Variants in ACTL8 observed in about 807,000 individuals in gnomAD.
ACTL8 encodes the protein actin-like protein 8.
In ACTL8, 3 loss-of-function variants were observed where a neutral mutation model predicts 9.3. The ratio of observed to expected loss-of-function variants is 0.32; its 90% CI spans 0.15 to 0.83. The LOEUF is 0.83. Ranked by LOEUF, ACTL8 falls within the 40% of genes least tolerant of loss-of-function variation. The probability of loss-of-function intolerance (pLI) is 0.57; values close to 1 mark genes in which losing one functional copy is unlikely to be tolerated. For missense variants in ACTL8, 381 were observed against 492.2 expected (o/e 0.77, Z 2.14); for synonymous variants, 224 against 205.9 (o/e 1.09, Z -0.75).
chr1:17,809,729 A>C (rs919248228), intron 1 of ACTL8, among the ~76,000 whole-genome samples: 1 of 151,856 alleles, frequency 6.6e-6, no homozygotes, highest in Non-Finnish European at 1.5e-5. Flanking sequence ...CATCACTCCC[A>C]GATGGGACCA....
intron 1 of ACTL8, among the ~76,000 whole-genome samples, chr1:17,787,987 C>T (rs757733014): frequency 6.6e-6 from 1 of 152,152 alleles, no homozygotes; most frequent in Non-Finnish European, 1.5e-5. Context: ...ATTTTCATTT[C>T]CCTGACAAGC....
chr1:17,777,026 G>A (rs1165349196), intron 1 of ACTL8, among the ~76,000 whole-genome samples: 2 of 110,898 alleles, frequency 1.8e-5, no homozygotes, highest in African/African-American at 3.6e-5. Context: ...GTCTTGCCAT[G>A]TTGCCCAGGC....
Position 17,761,578 on chromosome 1 carries a change from GT to G in ACTL8, c.-25+6084del, listed in dbSNP as rs532574511. The stretch of plus-strand genomic sequence containing the variant: ...GGGTATGTGGGCCCAAACTTGTTCT[GT>G]TTTTTTTTTGGGACTGAGTCTCGCT... On this transcript the variant is annotated intron_variant, in intron 1 of 2. Transcript: ENST00000375406. 1.0e-4 allele frequency among the ~76,000 whole-genome samples: 15 copies of G among 147,508 alleles called. No individual in the cohort carries two copies. In the South Asian group the frequency reaches 1.3e-3, roughly 13 times the overall value.
chr1:17,800,587 T>C (rs1285921561), intron 1 of ACTL8, among the ~76,000 whole-genome samples: 5 of 106,552 alleles, frequency 4.7e-5, no homozygotes, highest in Non-Finnish European at 7.6e-5. Context: ...GTCAATCTTT[T>C]TTTTTTTTTT....
At chr1:17,803,225 T>C (rs2066336261) in intron 1 of ACTL8, among the ~76,000 whole-genome samples, 1 of 130,964 alleles carries the variant, frequency 7.6e-6, no homozygotes. Flanking sequence ...TCGGCACTTC[T>C]CCTTGCTGCC....
intron 1 of ACTL8, among the ~76,000 whole-genome samples, chr1:17,760,797 T>A (rs963688080): frequency 2.0e-5 from 3 of 152,310 alleles, no homozygotes; most frequent in African/African-American, 7.2e-5. Context: ...TCAGCTGGCA[T>A]CTTGCCTGTC....
chr1:17,788,661 G>A (rs1010038160), intron 1 of ACTL8, among the ~76,000 whole-genome samples: 1 of 151,612 alleles, frequency 6.6e-6, no homozygotes, highest in Non-Finnish European at 1.5e-5. Flanking sequence ...GGAGTGGGGT[G>A]GGGGGTCTTG....
intron 1 of ACTL8, among the ~76,000 whole-genome samples, chr1:17,788,816 A>G (rs2066217650): frequency 6.6e-6 from 1 of 152,188 alleles, no homozygotes; most frequent in South Asian, 2.1e-4. Context: ...CATAGCGGGG[A>G]TGTTGGGGAG....
intron 1 of ACTL8, among the ~76,000 whole-genome samples, chr1:17,781,356 T>G (rs898542046): frequency 6.6e-6 from 1 of 151,794 alleles, no homozygotes; most frequent in Non-Finnish European, 1.5e-5. Context: ...TTCTCCTTCC[T>G]CAGCCTCCTG....
intron 1 of ACTL8, among the ~76,000 whole-genome samples, chr1:17,783,219 A>G (rs2066169194): frequency 6.6e-6 from 1 of 152,112 alleles, no homozygotes; most frequent in Non-Finnish European, 1.5e-5. Flanking sequence ...TTGAATTTCC[A>G]CATGTTGTGG....
At chr1:17,814,528 C>T (rs981117610) in intron 1 of ACTL8, among the ~76,000 whole-genome samples, 4 of 151,958 alleles carry the variant, frequency 2.6e-5, no homozygotes, top group African/African-American at 9.7e-5. Flanking sequence ...AGCAAGACTC[C>T]ATATCTACCA....
chr1:17,773,500 G>A (rs186284619), intron 1 of ACTL8, among the ~76,000 whole-genome samples: 21 of 152,338 alleles, frequency 1.4e-4, no homozygotes, highest in South Asian at 4.1e-4. Flanking sequence ...GGTAGGTGCC[G>A]GCTTAGCTCT....
intron 1 of ACTL8, among the ~76,000 whole-genome samples, chr1:17,759,711 C>T (rs529807481): frequency 4.6e-5 from 7 of 152,256 alleles, no homozygotes; most frequent in African/African-American, 1.2e-4. Context: ...TCTGCCATAA[C>T]GCTGGAGTAG....
intron 1 of ACTL8, among the ~76,000 whole-genome samples, chr1:17,757,740 G>T (rs1438443206): frequency 3.9e-5 from 6 of 152,200 alleles, no homozygotes; most frequent in Non-Finnish European, 8.8e-5. Flanking sequence ...TATGGGAGTG[G>T]ATTCTAAGGG....
At chr1:17,756,170 T>C (rs2065968157) in intron 1 of ACTL8, among the ~76,000 whole-genome samples, 1 of 151,880 alleles carries the variant, frequency 6.6e-6, no homozygotes, top group South Asian at 2.1e-4. Context: ...CTCTGGGAGC[T>C]CTTCTTTGGG....
intron 1 of ACTL8, among the ~76,000 whole-genome samples, chr1:17,755,866 G>A (rs1019107138): frequency 6.6e-6 from 1 of 151,836 alleles, no homozygotes; most frequent in South Asian, 2.1e-4. Flanking sequence ...CCCTTCCCTG[G>A]GGTGAGGGGC....
chr1:17,775,873 G>A (rs540330540), intron 1 of ACTL8, among the ~76,000 whole-genome samples: 4 of 152,250 alleles, frequency 2.6e-5, no homozygotes, highest in South Asian at 4.2e-4. Flanking sequence ...TGAACCTAGC[G>A]TGAGGCAGGG....
At chr1:17,802,452 T>TGTGTGTGTGTGTGTGTGTGTGTGTGTG (rs2066328445) in intron 1 of ACTL8, among the ~76,000 whole-genome samples, 1 of 147,544 alleles carries the variant, frequency 6.8e-6, no homozygotes, top group African/African-American at 2.5e-5. Context: ...TGTGTGTGTG[T>TGTGTGTGTGTGTGTGTGTGTGTGTGTG]TGGAGGGCAG....
intron 1 of ACTL8, among the ~76,000 whole-genome samples, chr1:17,768,854 C>CTCCCA (rs2066064091): frequency 6.6e-6 from 1 of 152,088 alleles, no homozygotes; most frequent in African/African-American, 2.4e-5. Context: ...CTTTGGACAC[C>CTCCCA]AGGCTGAGGA....
Sources: gnomAD v4.1 joint callset for allele counts (sites outside exome capture counted in the v4.1 genomes callset) on GRCh38, gnomAD v4.1.1 for gene constraint, MANE v1.5 for transcripts, NCBI Gene and HGNC (gene_info 2026-07-23, HGNC 2026-07-21) for gene names.